UNC13A: variants seen among roughly 807,000 people sequenced by gnomAD.
The protein encoded by UNC13A is protein unc-13 homolog A.
In UNC13A, 61 loss-of-function variants were observed where a neutral mutation model predicts 219.7. The ratio of observed to expected loss-of-function variants is 0.28; its 90% CI spans 0.23 to 0.34. The LOEUF (loss-of-function observed/expected upper bound fraction) is 0.34, where lower values mean the gene tolerates loss of function less well. Among genes scored for constraint, UNC13A ranks in the 10% least tolerant of loss-of-function variants. UNC13A has a pLI of 1.00. For missense variants in UNC13A, 1,476 were observed against 2,270.3 expected (o/e 0.65, Z 7.11); for synonymous variants, 920 against 884.6 (o/e 1.04, Z -0.71).
At chr19:17,623,305 TG>T (rs1207713118) in intron 36 of UNC13A, 3 of 476,342 alleles carry the variant, frequency 6.3e-6, no homozygotes, top group Non-Finnish European at 1.1e-5. Context: ...GAGTGGGTAG[TG>T]GGGCTCCTCT....
At chr19:17,618,146 T>C (rs999991271) in intron 40 of UNC13A, among the ~76,000 whole-genome samples, 1 of 152,086 alleles carries the variant, frequency 6.6e-6, no homozygotes, top group Non-Finnish European at 1.5e-5. Context: ...CTCTACACCT[T>C]CTCACTCTTT....
chr19:17,673,714 G>GA (rs976824086), intron 3 of UNC13A, among the ~76,000 whole-genome samples: 4 of 142,916 alleles, frequency 2.8e-5, no homozygotes, highest in South Asian at 2.3e-4. Flanking sequence ...AAAAAAAAAG[G>GA]AAAAAAATTC....
intron 6 of UNC13A, among the ~76,000 whole-genome samples, chr19:17,667,776 ATTTTT>A (rs34197880): frequency 2.8e-5 from 3 of 108,058 alleles, no homozygotes; most frequent in African/African-American, 3.9e-5. Flanking sequence ...AGCCTGGCTA[ATTTTT>A]TTTTTTTTTT....
chr19:17,632,581 T>C (rs2076868030), intron 28 of UNC13A, among the ~76,000 whole-genome samples: 2 of 102,762 alleles, frequency 1.9e-5, no homozygotes, highest in African/African-American at 7.9e-5. Context: ...AGTCACATGG[T>C]TCCTGTTGCT....
chr19:17,655,949 G>A lies in UNC13A; in HGVS notation c.1217C>T (p.Ala406Val), dbSNP rs775682528. 1.9e-6 allele frequency: 3 copies of A among 1,545,598 alleles called. No individual in the cohort carries two copies. The highest frequency in any genetic ancestry group is 1.3e-5 in the South Asian group (1 of 79,836). The part of the protein sequence containing the change: ...PDMAKVAPKP[A>V]TPDKVPAAEQ... ...AGCTGCAGGCACCTTGTCGGGCGTG[G>A]CTGGCTTGGGGGCCACCTTGGCCAT... The change falls in exon 10 of 44, where the codon GCC (alanine) becomes GTC (valine). Residue 406 changes from alanine to valine, a missense_variant. Physicochemically the swap from Ala to Val is moderately conservative, Grantham distance 64. Coordinates refer to ENST00000519716, the MANE Select transcript of UNC13A (RefSeq NM_001080421.3).
At chr19:17,638,578 G>A (rs1472246765) in intron 25 of UNC13A, among the ~76,000 whole-genome samples, 1 of 152,136 alleles carries the variant, frequency 6.6e-6, no homozygotes, top group Non-Finnish European at 1.5e-5. Flanking sequence ...TATAATCTCA[G>A]TACTTTGGGA....
At chr19:17,623,738 C>T (rs902495300) in intron 35 of UNC13A, among the ~76,000 whole-genome samples, 191 bp from the exon 36 acceptor site, 1 of 151,984 alleles carries the variant, frequency 6.6e-6, no homozygotes, top group African/African-American at 2.4e-5. Flanking sequence ...CTATGGCCCC[C>T]GCTCACCCTC....
At chr19:17,642,793 G>T in intron 20 of UNC13A, 52 bp downstream of exon 20, 1 of 1,462,538 alleles carries the variant, frequency 6.8e-7, no homozygotes, top group Non-Finnish European at 9.4e-7. Flanking sequence ...AGCTGGGCAG[G>T]CAGGAATGGT....
At chr19:17,628,302 C>CTTTGTT in intron 31 of UNC13A, 2 of 290,048 alleles carry the variant, frequency 6.9e-6, no homozygotes, top group Non-Finnish European at 1.3e-5. Context: ...GACAGTGACA[C>CTTTGTT]ACTGAAGGCG....
chr19:17,616,129 A>G (rs1020147507), intron 41 of UNC13A, among the ~76,000 whole-genome samples: 5 of 150,966 alleles, frequency 3.3e-5, no homozygotes, highest in Non-Finnish European at 7.4e-5. Flanking sequence ...TCTTAACCTG[A>G]CAGGTGCCTG....
intron 30 of UNC13A, among the ~76,000 whole-genome samples, chr19:17,629,874 T>C: frequency 6.7e-6 from 1 of 149,076 alleles, no homozygotes; most frequent in East Asian, 2.0e-4. Context: ...ACCCTACACC[T>C]CAACTCCAAC....
chr19:17,627,750 G>A lies in UNC13A; in HGVS notation c.3831+113C>T. 7.5e-7 allele frequency: 1 copy of A among 1,332,184 alleles called. No individual in the cohort carries two copies. Among genetic ancestry groups the A allele is most frequent in the Non-Finnish European group, 1.0e-6 (1 of 957,676 alleles). The allele number at this position is 1,332,184 out of a possible 1,614,324, so 82.5% of individuals were successfully genotyped here. ...CTGCAAGCCTGGGTTTAAGGCCATG[G>A]TTGAGCTGGAATTCATCCCCAGGCC... On this transcript the variant is annotated intron_variant, in intron 32 of 43. Transcript: ENST00000519716. This position sits in a 1 kb window ranked among gnomAD's most constrained non-coding sequence, Gnocchi z 4.7.
At position 17,627,979 on chromosome 19, in the gene UNC13A, C is replaced by T. The variant is rs967614473; in HGVS notation, c.3754-39G>A. The T allele has an allele frequency of 2.6e-6, 4 of 1,555,730 alleles. No individual in the cohort carries two copies. Among genetic ancestry groups the T allele is most frequent in the Non-Finnish European group, 3.5e-6 (4 of 1,144,038 alleles). On this transcript the variant is annotated intron_variant, in intron 31 of 43. Coordinates refer to ENST00000519716, the MANE Select transcript of UNC13A (RefSeq NM_001080421.3). This position sits in a 1 kb window ranked among gnomAD's most constrained non-coding sequence, Gnocchi z 4.7. ...CAGAGAGGGGAGTCAAGCCTCAGGA[C>T]CTCTCCCCAGAGCCTCCCCTACCCA...
chr19:17,620,429 G>A (rs552164911), intron 38 of UNC13A, among the ~76,000 whole-genome samples: 20 of 152,214 alleles, frequency 1.3e-4, no homozygotes, highest in African/African-American at 4.8e-4. Flanking sequence ...GGGGTCCAGC[G>A]GACTGGGCCT....
Position 17,606,242 on chromosome 19 carries a change from C to T in UNC13A, c.4924G>A (p.Glu1642Lys). ...GCGGCGCTCCCGCGCTGGGCCAGCT[C>T]ACGCAGCTGCAGCACGGCCAGCCCC... ...TVGLAVLQLRELAQRGSAACW... is the reference protein window; with the variant it reads ...TVGLAVLQLRKLAQRGSAACW... Residue 1642 changes from glutamate to lysine, a missense_variant, in exon 44 of 44, where the codon GAG (glutamate) becomes AAG (lysine). Transcript: ENST00000519716. 6.5e-7 allele frequency: 1 copy of T among 1,548,510 alleles called. No individual in the cohort carries two copies. The highest frequency in any genetic ancestry group is 2.5e-5 in the East Asian group (1 of 40,546).
rs1015282727 is a variant in UNC13A, at chr19:17,648,758, T to C, written c.1597-108A>G. ...CGCGGTAAAGTCCCAGGCCCTCCCCTGCCTCCACGCTGTCGGAATCCACGC... is the reference window on the plus strand; with the variant it reads ...CGCGGTAAAGTCCCAGGCCCTCCCCCGCCTCCACGCTGTCGGAATCCACGC... On this transcript the variant is annotated intron_variant, in intron 15 of 43. Transcript: ENST00000519716. 7.9e-6 allele frequency: 12 copies of C among 1,509,618 alleles called. No homozygotes were observed. The East Asian group carries it at 2.7e-4, about 35-fold the overall frequency. The allele number at this position is 1,509,618 out of a possible 1,614,324, so 93.5% of individuals were successfully genotyped here. A position where few individuals can be genotyped will look rare whatever the true frequency, so the allele number is the denominator to read the frequency against.
chr19:17,674,837 T>G lies in UNC13A; in HGVS notation c.53-81A>C. ...TTCCCAAGCTCTAGACCATCTGCTGTGATCCCCTCAGGAATTTCTGGGCCA... is the reference window on the plus strand; with the variant it reads ...TTCCCAAGCTCTAGACCATCTGCTGGGATCCCCTCAGGAATTTCTGGGCCA... On this transcript the variant is annotated intron_variant, in intron 2 of 43. Transcript: ENST00000519716. This position sits in a 1 kb window ranked among gnomAD's most constrained non-coding sequence, Gnocchi z 5.0. The G allele has an allele frequency of 8.0e-7, 1 of 1,245,596 alleles. No individual in the cohort carries two copies. Among genetic ancestry groups the G allele is most frequent in the Non-Finnish European group, 1.2e-6 (1 of 854,660 alleles). The allele number at this position is 1,245,596 out of a possible 1,614,324, so 77.2% of individuals were successfully genotyped here.
At chr19:17,622,547 C>A (rs2076739320) in intron 36 of UNC13A, 1 of 152,980 alleles carries the variant, frequency 6.5e-6, no homozygotes, top group Non-Finnish European at 1.5e-5. Context: ...GAAGTAAGAG[C>A]CCTTGTAAAC....
chr19:17,639,836 C>A lies in UNC13A; in HGVS notation c.2856+4G>T. ...GAGCAAATTCTCATGCACACACTTC[C>A]TACCCGGTACATGGAGAGGTCAATC... On this transcript the variant is annotated splice_donor_region_variant and intron_variant, in intron 23 of 43. Transcript: ENST00000519716. 1 of 1,613,786 alleles carries A rather than the reference C, an allele frequency of 6.2e-7. No homozygotes were observed. Among genetic ancestry groups the A allele is most frequent in the South Asian group, 1.1e-5 (1 of 91,060 alleles).
Sources: gnomAD v4.1 joint callset for allele counts (sites outside exome capture counted in the v4.1 genomes callset) on GRCh38, gnomAD v4.1.1 for gene constraint, Gnocchi (gnomAD v3.1) non-coding constraint, MANE v1.5 for transcripts, NCBI Gene and HGNC (gene_info 2026-07-23, HGNC 2026-07-21) for gene names.